NTN4: variants seen among roughly 807,000 people sequenced by gnomAD.
The protein encoded by NTN4 is netrin 4.
Under a neutral mutation model 73.6 loss-of-function variants are expected in NTN4, and 32 were observed. The observed-to-expected ratio is 0.44, with a 90% confidence interval of 0.33 to 0.58. The LOEUF (loss-of-function observed/expected upper bound fraction) is 0.58. Ranked by LOEUF, NTN4 falls within the 20% of genes least tolerant of loss-of-function variation. The pLI is 0.04. For synonymous variants in NTN4, 258 were observed against 287.5 expected (o/e 0.90, Z 1.04); for missense variants, 654 against 798.3 (o/e 0.82, Z 2.18).
intron 4 of NTN4, among the ~76,000 whole-genome samples, chr12:95,712,728 A>T (rs1449241274): frequency 1.3e-5 from 2 of 150,446 alleles, no homozygotes; most frequent in Non-Finnish European, 2.9e-5. Context: ...CAGCCTCCCA[A>T]GTAGCTGGGC....
intron 7 of NTN4, among the ~76,000 whole-genome samples, chr12:95,681,120 C>T (rs745857691): frequency 3.6e-4 from 51 of 140,556 alleles, no homozygotes; most frequent in Non-Finnish European, 5.0e-4. Flanking sequence ...ACCTGGAAGG[C>T]GGAGGTTGCA....
chr12:95,764,742 T>C (rs2079009683), intron 2 of NTN4, among the ~76,000 whole-genome samples: 1 of 151,580 alleles, frequency 6.6e-6, no homozygotes, highest in Admixed American at 6.6e-5. Context: ...TGGCTGTCAC[T>C]TTCTACCTGT....
chr12:95,776,996 G>A (rs1216533398), intron 2 of NTN4, among the ~76,000 whole-genome samples: 16 of 151,994 alleles, frequency 1.1e-4, no homozygotes, highest in Admixed American at 1.0e-3. Context: ...AAGAGAGTGG[G>A]GGCAAATATT....
At chr12:95,698,712 C>T (rs1010141205) in intron 5 of NTN4, among the ~76,000 whole-genome samples, 1 of 152,006 alleles carries the variant, frequency 6.6e-6, no homozygotes, top group Non-Finnish European at 1.5e-5. Flanking sequence ...AAAAAATTAG[C>T]TGGGCATGAT....
At chr12:95,682,423 CTTT>C (rs11433684) in intron 7 of NTN4, among the ~76,000 whole-genome samples, 2 of 136,478 alleles carry the variant, frequency 1.5e-5, no homozygotes, top group Non-Finnish European at 3.2e-5. Flanking sequence ...TGGGTGACCT[CTTT>C]TTTTTTTTTT....
At chr12:95,700,697 G>T (rs980305478) in intron 5 of NTN4, among the ~76,000 whole-genome samples, 5 of 152,068 alleles carry the variant, frequency 3.3e-5, no homozygotes, top group African/African-American at 1.2e-4. Flanking sequence ...TCAGGTCAGG[G>T]TTCCCTCCCA....
At chr12:95,709,538 CTCTT>C (rs890414710) in intron 5 of NTN4, among the ~76,000 whole-genome samples, 1 of 133,012 alleles carries the variant, frequency 7.5e-6, no homozygotes, top group Non-Finnish European at 1.6e-5. Context: ...CTCTCTCTCT[CTCTT>C]TTTTTTTTTT....
chr12:95,787,874 T>C (rs1223206476), intron 1 of NTN4, among the ~76,000 whole-genome samples: 1 of 152,232 alleles, frequency 6.6e-6, no homozygotes, highest in Non-Finnish European at 1.5e-5. Flanking sequence ...GTCATGACTA[T>C]TGAAAAACCA....
At position 95,790,350 on chromosome 12, in the gene NTN4, G is replaced by A. The variant is rs751801447; in HGVS notation, c.-41C>T. ...GGAGCAGCCGGGCCGGGCGGGTGCC[G>A]GAGGGAGCCGAGACCTCTGGGCTGC... is the stretch of plus-strand genomic sequence containing the variant. On this transcript the variant is annotated 5_prime_UTR_variant, in exon 1 of 10. Coordinates refer to ENST00000343702, the MANE Select transcript of NTN4 (RefSeq NM_021229.4). This position sits in a 1 kb window ranked among gnomAD's most constrained non-coding sequence, Gnocchi z 6.5. The A allele has an allele frequency of 6.0e-6, 9 of 1,503,428 alleles. No homozygotes were observed. Among genetic ancestry groups the A allele is most frequent in the African/African-American group, 4.3e-5 (3 of 69,010 alleles). 93.1% of individuals were successfully genotyped at this position (1,503,428 alleles called of 1,614,324 possible).
At chr12:95,662,235 C>CCT (rs1555213005) in intron 9 of NTN4, among the ~76,000 whole-genome samples, 1 of 118,388 alleles carries the variant, frequency 8.4e-6, no homozygotes, top group Non-Finnish European at 1.7e-5. Flanking sequence ...CTTTTTCTTT[C>CCT]TTTTTTTTTT....
intron 3 of NTN4, among the ~76,000 whole-genome samples, chr12:95,725,032 A>G (rs1358031377): frequency 5.8e-5 from 6 of 103,558 alleles, no homozygotes; most frequent in Non-Finnish European, 1.3e-4. Flanking sequence ...TGCTTCCCAC[A>G]AACACCTAAA....
chr12:95,762,896 C>G (rs1259151005), intron 2 of NTN4, among the ~76,000 whole-genome samples: 1 of 152,132 alleles, frequency 6.6e-6, no homozygotes, highest in Non-Finnish European at 1.5e-5. Flanking sequence ...TGTTTCTTTC[C>G]TATACATTTA....
At chr12:95,669,220 A>AG (rs1441285215) in intron 8 of NTN4, among the ~76,000 whole-genome samples, 1 of 152,166 alleles carries the variant, frequency 6.6e-6, no homozygotes, top group Non-Finnish European at 1.5e-5. Flanking sequence ...AAAAAAAAAA[A>AG]AAGTCTCAGA....
chr12:95,721,017 C>G (rs1323364256), intron 3 of NTN4, among the ~76,000 whole-genome samples: 1 of 152,176 alleles, frequency 6.6e-6, no homozygotes, highest in African/African-American at 2.4e-5. Context: ...GTAATCGGCC[C>G]AAGGCCACAA....
chr12:95,687,515 C>T (rs1339827678), intron 5 of NTN4, among the ~76,000 whole-genome samples: 1 of 151,750 alleles, frequency 6.6e-6, no homozygotes, highest in South Asian at 2.1e-4. Context: ...ATTCTCCTGC[C>T]TCAGCCTCCC....
In NTN4 at chr12:95,737,890, G is replaced by A; in HGVS notation, c.840C>T (p.Val280=). The part of the protein sequence containing the change: ...QCIPVHGFRP[V]KAPGTFHMVH... ...CCATGTGGAATGTTCCTGGGGCCTT[G>A]ACAGGTCTGAAGCCATGAACAGGTA... is the stretch of plus-strand genomic sequence containing the variant. The change falls in exon 3 of 10, where the codon GTC becomes GTT. Residue 280 remains valine, a synonymous_variant. Coordinates refer to ENST00000343702, the MANE Select transcript of NTN4 (RefSeq NM_021229.4). The A allele has an allele frequency of 6.2e-7, 1 of 1,613,192 alleles. No homozygotes were observed. Among genetic ancestry groups the A allele is most frequent in the African/African-American group, 1.3e-5 (1 of 75,028 alleles).
At chr12:95,727,347 G>T (rs1400368919) in intron 3 of NTN4, among the ~76,000 whole-genome samples, 1 of 152,142 alleles carries the variant, frequency 6.6e-6, no homozygotes, top group Non-Finnish European at 1.5e-5. Context: ...TCAAATATAT[G>T]ATTTGAAAGT....
chr12:95,720,602 A>AT (rs2078640578), intron 3 of NTN4, among the ~76,000 whole-genome samples: 1 of 152,184 alleles, frequency 6.6e-6, no homozygotes, highest in Non-Finnish European at 1.5e-5. Flanking sequence ...GCTTAGTCTC[A>AT]TTTTTAAAAC....
Position 95,672,701 on chromosome 12 carries a change from A to C in NTN4, c.1511-2555T>G, listed in dbSNP as rs550784225. 16 of 1,426,894 alleles carry C rather than the reference A, an allele frequency of 1.1e-5. 1 individual carries two copies. The South Asian group carries it at 1.8e-4, about 16-fold the overall frequency. 88.4% of individuals were successfully genotyped at this position (1,426,894 alleles called of 1,614,324 possible). A position where few individuals can be genotyped will look rare whatever the true frequency, so the allele number is the denominator to read the frequency against. On this transcript the variant is annotated intron_variant, in intron 7 of 9. Coordinates refer to ENST00000343702, the MANE Select transcript of NTN4 (RefSeq NM_021229.4). Reference sequence around the variant, plus strand: ...CTGCTGGAGCCTGACCATCCTTTCTACAGCAACATCAGTAAGGATCGTAGG... The same window carrying C: ...CTGCTGGAGCCTGACCATCCTTTCTCCAGCAACATCAGTAAGGATCGTAGG...
Sources: gnomAD v4.1 joint callset for allele counts (sites outside exome capture counted in the v4.1 genomes callset) on GRCh38, gnomAD v4.1.1 for gene constraint, Gnocchi (gnomAD v3.1) non-coding constraint, MANE v1.5 for transcripts, NCBI Gene and HGNC (gene_info 2026-07-23, HGNC 2026-07-21) for gene names.